Variants in TPH2 observed in about 807,000 individuals in gnomAD.
TPH2 encodes tryptophan hydroxylase 2.
In TPH2, 27 loss-of-function variants were observed where a neutral mutation model predicts 59.1. The ratio of observed to expected loss-of-function variants is 0.46; its 90% CI spans 0.34 to 0.63. TPH2 has a LOEUF of 0.63. Among genes scored for constraint, TPH2 ranks in the 30% least tolerant of loss-of-function variants. TPH2 has a pLI of 0.01. For missense variants in TPH2, 523 were observed against 588.3 expected (o/e 0.89, Z 1.15); for synonymous variants, 220 against 210.5 (o/e 1.05, Z -0.39).
chr12:71,978,144 C>CA (rs1872171222), intron 6 of TPH2, among the ~76,000 whole-genome samples: 1 of 151,788 alleles, frequency 6.6e-6, no homozygotes, highest in Admixed American at 6.6e-5. Context: ...CCTAACAATG[C>CA]ATTTCCTAGA....
chr12:71,947,337 A>G (rs1014375401), intron 4 of TPH2, among the ~76,000 whole-genome samples: 2 of 151,984 alleles, frequency 1.3e-5, no homozygotes, highest in African/African-American at 4.8e-5. Context: ...GGGGTAGCTA[A>G]TTGAGTGTCA....
intron 4 of TPH2, among the ~76,000 whole-genome samples, chr12:71,947,930 C>T (rs961262788): frequency 2.0e-5 from 3 of 152,142 alleles, no homozygotes; most frequent in Non-Finnish European, 4.4e-5. Flanking sequence ...TGGCAGGAAC[C>T]GGGGAACAGA....
At chr12:71,973,357 C>T (rs990443368) in intron 6 of TPH2, among the ~76,000 whole-genome samples, 10 of 152,146 alleles carry the variant, frequency 6.6e-5, no homozygotes, top group South Asian at 2.1e-4. Flanking sequence ...ACCAAGATGA[C>T]GATGAGAGTG....
At chr12:72,025,002 C>T (rs1466261432) in intron 9 of TPH2, among the ~76,000 whole-genome samples, 1 of 152,118 alleles carries the variant, frequency 6.6e-6, no homozygotes, top group South Asian at 2.1e-4. Context: ...GAATACGTAA[C>T]ACAAGATGCT....
At chr12:71,982,032 T>TTTTTTTTTTTTTTTTTTTTTTTG (rs71071810) in intron 7 of TPH2, among the ~76,000 whole-genome samples, 1 of 144,340 alleles carries the variant, frequency 6.9e-6, no homozygotes, top group Admixed American at 7.0e-5. Context: ...TTTTTTTTTT[T>TTTTTTTTTTTTTTTTTTTTTTTG]AGACAGAGTC....
At chr12:72,024,663 A>C (rs1873520397) in intron 9 of TPH2, among the ~76,000 whole-genome samples, 1 of 152,222 alleles carries the variant, frequency 6.6e-6, no homozygotes, top group South Asian at 2.1e-4. Context: ...CCAGAAACAA[A>C]GGAAACGGAT....
chr12:72,029,398 T>C (rs146096550), intron 9 of TPH2, among the ~76,000 whole-genome samples: 113 of 152,288 alleles, frequency 7.4e-4, no homozygotes, highest in African/African-American at 2.7e-3. Flanking sequence ...ACGTAGTACA[T>C]TAAATGTAAC....
intron 9 of TPH2, among the ~76,000 whole-genome samples, chr12:72,023,880 A>G (rs974899907): frequency 2.7e-5 from 4 of 150,856 alleles, no homozygotes; most frequent in Non-Finnish European, 4.4e-5. Flanking sequence ...AATAGACAAT[A>G]TTTCTGGTGC....
intron 5 of TPH2, chr12:71,961,840 T>C (rs1040116321): frequency 1.0e-5 from 12 of 1,170,172 alleles, no homozygotes; most frequent in Non-Finnish European, 1.3e-5. Flanking sequence ...TAAATCTTTG[T>C]TCTCCCTGAG....
chr12:72,009,628 T>C (rs1873047933), intron 8 of TPH2, among the ~76,000 whole-genome samples: 1 of 152,226 alleles, frequency 6.6e-6, no homozygotes, highest in Admixed American at 6.5e-5. Flanking sequence ...TAGTCTTCCT[T>C]TTGTGACTTG....
Position 72,031,814 on chromosome 12 carries a change from A to G in TPH2, c.*119A>G, listed in dbSNP as rs1182549793. The G allele has an allele frequency of 6.1e-6, 7 of 1,148,948 alleles. No homozygotes were observed. Among genetic ancestry groups the G allele is most frequent in the East Asian group, 2.4e-5 (1 of 42,288 alleles). 71.2% of individuals were successfully genotyped at this position (1,148,948 alleles called of 1,614,324 possible). A position where few individuals can be genotyped will look rare whatever the true frequency, so the allele number is the denominator to read the frequency against. On this transcript the variant is annotated 3_prime_UTR_variant, in exon 11 of 11. Coordinates refer to ENST00000333850, the MANE Select transcript of TPH2 (RefSeq NM_173353.4). The stretch of plus-strand genomic sequence containing the variant: ...GCTTGGCTAATAAGCATGCAATTCC[A>G]TATATCTATACCATCTTGTAACTCA...
chr12:72,005,980 C>A (rs905472886), intron 8 of TPH2, among the ~76,000 whole-genome samples: 14 of 152,100 alleles, frequency 9.2e-5, no homozygotes, highest in African/African-American at 2.9e-4. Context: ...TTCTAAAGCT[C>A]CCCCTCTGCA....
At chr12:71,968,582 T>A (rs1871881945) in intron 5 of TPH2, among the ~76,000 whole-genome samples, 1 of 152,234 alleles carries the variant, frequency 6.6e-6, no homozygotes, top group Admixed American at 6.5e-5. Flanking sequence ...TGGATCCTGC[T>A]GCCCAGTAAG....
chr12:71,944,087 C>A (rs1871140904), intron 2 of TPH2, among the ~76,000 whole-genome samples: 1 of 151,942 alleles, frequency 6.6e-6, no homozygotes, highest in Non-Finnish European at 1.5e-5. Flanking sequence ...GGCAGGACAA[C>A]CTATACACAG....
intron 5 of TPH2, among the ~76,000 whole-genome samples, chr12:71,956,600 C>G (rs1329721210): frequency 6.7e-6 from 1 of 150,030 alleles, no homozygotes; most frequent in Non-Finnish European, 1.5e-5. Flanking sequence ...TCCCTCCTTC[C>G]CTCTTTCTCT....
chr12:71,962,211 A>G (rs1871705931), intron 5 of TPH2: 8 of 985,986 alleles, frequency 8.1e-6, no homozygotes, highest in Non-Finnish European at 9.6e-6. Context: ...TTCAGGCATC[A>G]TTTAGATGGT....
chr12:72,013,904 TG>T (rs1454006946), intron 8 of TPH2, among the ~76,000 whole-genome samples: 1 of 151,492 alleles, frequency 6.6e-6, no homozygotes, highest in African/African-American at 2.4e-5. Context: ...GGTAAAGGGG[TG>T]AGAGTGGGAG....
chr12:72,008,968 C>T (rs867381287), intron 8 of TPH2, among the ~76,000 whole-genome samples: 8 of 152,012 alleles, frequency 5.3e-5, no homozygotes, highest in South Asian at 2.1e-4. Context: ...TGTGTGTATG[C>T]CTGCATCTTG....
At chr12:71,961,640 G>A (rs1204319780) in intron 5 of TPH2, 3 of 1,352,110 alleles carry the variant, frequency 2.2e-6, no homozygotes, top group South Asian at 2.3e-5. Context: ...CCTTGTGTAT[G>A]TTGAGCGTGC....
Sources: gnomAD v4.1 joint callset for allele counts (sites outside exome capture counted in the v4.1 genomes callset) on GRCh38, gnomAD v4.1.1 for gene constraint, MANE v1.5 for transcripts, NCBI Gene and HGNC (gene_info 2026-07-23, HGNC 2026-07-21) for gene names.